GSE1: variants seen among roughly 807,000 people sequenced by gnomAD.
GSE1 encodes Gse1 coiled-coil protein.
Under a neutral mutation model 112.6 loss-of-function variants are expected in GSE1, and 32 were observed. The ratio of observed to expected loss-of-function variants is 0.28; its 90% CI spans 0.21 to 0.38. GSE1 has a LOEUF of 0.38. Ranked by LOEUF, GSE1 falls within the 10% of genes least tolerant of loss-of-function variation. The pLI, the probability that GSE1 is intolerant of heterozygous loss-of-function variation, is 1.00. For missense variants in GSE1, 2,348 were observed against 1,699.2 expected, an observed-to-expected ratio of 1.38 and a Z score of -6.71; for synonymous variants, 1,115 against 735.6, an observed-to-expected ratio of 1.52 and a Z score of -8.35.
At chr16:85,215,202 T>A (rs1415167882) in intron 1 of GSE1, among the ~76,000 whole-genome samples, 1 of 152,182 alleles carries the variant, frequency 6.6e-6, no homozygotes, top group Non-Finnish European at 1.5e-5. Flanking sequence ...ACCCTGTGAT[T>A]TGGGTCATTT....
At chr16:85,300,683 C>G (rs548728979) in intron 1 of GSE1, among the ~76,000 whole-genome samples, 2 of 152,322 alleles carry the variant, frequency 1.3e-5, no homozygotes, top group South Asian at 4.1e-4. Flanking sequence ...TGTGTCCTTT[C>G]GTCTGCCAGG....
chr16:85,621,977 A>G (rs2048770897), intron 1 of GSE1, among the ~76,000 whole-genome samples: 1 of 152,214 alleles, frequency 6.6e-6, no homozygotes, highest in Non-Finnish European at 1.5e-5. Context: ...AGAGACTGCC[A>G]GCTCCCAACA....
chr16:85,559,653 GCTC>G (rs1567588605), intron 1 of GSE1, among the ~76,000 whole-genome samples: 2 of 151,494 alleles, frequency 1.3e-5, no homozygotes, highest in African/African-American at 4.8e-5. Flanking sequence ...TTGAAGTCAG[GCTC>G]TGCCTCTCCT....
intron 1 of GSE1, among the ~76,000 whole-genome samples, chr16:85,263,521 T>C (rs1907924712): frequency 6.6e-6 from 1 of 152,008 alleles, no homozygotes; most frequent in African/African-American, 2.4e-5. Context: ...GAATTTCTTC[T>C]ACCTCGGGGG....
At chr16:85,544,815 G>T (rs1023554635) in intron 2 of GSE1, among the ~76,000 whole-genome samples, 5 of 152,224 alleles carry the variant, frequency 3.3e-5, no homozygotes, top group Non-Finnish European at 7.3e-5. Context: ...GGCCTCGCCT[G>T]GTCTCTGGAG....
exon 1 of GSE1, chr16:85,171,270 G>A: frequency 2.2e-5 from 22 of 985,594 alleles, no homozygotes; most frequent in Non-Finnish European, 2.5e-5. Context: ...CCGAGCTGCC[G>A]GCGTCGGCCC....
chr16:85,270,357 T>G (rs1337530470), intron 1 of GSE1, among the ~76,000 whole-genome samples: 1 of 148,902 alleles, frequency 6.7e-6, no homozygotes, highest in Non-Finnish European at 1.5e-5. Context: ...AGTCTCCTTC[T>G]TGGTGTCCTT....
chr16:85,624,937 C>A (rs1402357108), intron 1 of GSE1, among the ~76,000 whole-genome samples: 1 of 152,138 alleles, frequency 6.6e-6, no homozygotes, highest in African/African-American at 2.4e-5. Context: ...TTGCTGTTCG[C>A]AGCTTTGCTT....
chr16:85,180,149 G>A (rs113740086), intron 1 of GSE1, among the ~76,000 whole-genome samples: 7 of 152,352 alleles, frequency 4.6e-5, no homozygotes, highest in African/African-American at 1.4e-4. Context: ...TGCCTGGCCT[G>A]TCTGGCGTGG....
At chr16:85,664,737 G>A (rs908539330) in intron 11 of GSE1, 3 of 350,284 alleles carry the variant, frequency 8.6e-6, no homozygotes, top group Non-Finnish European at 1.6e-5. Context: ...CGTCACCACC[G>A]AGGTCCGTGG....
chr16:85,662,695 G>T, intron 9 of GSE1: 1 of 441,732 alleles, frequency 2.3e-6, no homozygotes, highest in Non-Finnish European at 4.1e-6. Flanking sequence ...CCTGTGTGAT[G>T]AATGGTTCCC....
chr16:85,589,790 T>C (rs765285675), intron 1 of GSE1, among the ~76,000 whole-genome samples: 11 of 151,732 alleles, frequency 7.2e-5, no homozygotes, highest in Non-Finnish European at 1.6e-4. Flanking sequence ...TATGTGTGAA[T>C]ATGTGTGAGA....
intron 2 of GSE1, among the ~76,000 whole-genome samples, chr16:85,465,180 G>A (rs570674355): frequency 7.2e-5 from 11 of 152,328 alleles, no homozygotes; most frequent in African/African-American, 1.7e-4. Flanking sequence ...CCTGGTTCCC[G>A]GCTGCATGCA....
At chr16:85,329,931 C>G (rs1484861732) in intron 1 of GSE1, among the ~76,000 whole-genome samples, 3 of 94,068 alleles carry the variant, frequency 3.2e-5, no homozygotes, top group African/African-American at 4.2e-5. Flanking sequence ...GGGCAAGAGG[C>G]TGGTGGGGGG....
At position 85,668,132 on chromosome 16, in the gene GSE1, C is replaced by T. The variant is rs749363593; in HGVS notation, c.3131-8C>T. ...AACACACTGATGCAAGCCCTGTCCC[C>T]TCCACAGGGAGCGTGGCTGTGCTGT... is the stretch of plus-strand genomic sequence containing the variant. On this transcript the variant is annotated splice_polypyrimidine_tract_variant and splice_region_variant and intron_variant, in intron 13 of 15. Transcript: ENST00000253458. 5 of 1,559,326 alleles carry T rather than the reference C, an allele frequency of 3.2e-6. No homozygotes were observed. In the Middle Eastern group the frequency reaches 7.7e-4, roughly 239 times the overall value.
chr16:85,232,994 G>T (rs986476025), intron 1 of GSE1, among the ~76,000 whole-genome samples: 2 of 152,264 alleles, frequency 1.3e-5, no homozygotes, highest in African/African-American at 4.8e-5. Context: ...GGGCAGCTGA[G>T]GTCAGAGATG....
At position 85,655,796 on chromosome 16, in the gene GSE1, C is replaced by T. The variant is rs1567733935; in HGVS notation, c.868C>T (p.Pro290Ser). 1.9e-6 allele frequency: 3 copies of T among 1,599,708 alleles called. No individual in the cohort carries two copies. The highest frequency in any genetic ancestry group is 1.3e-5 in the African/African-American group (1 of 74,682). Reference protein sequence around the residue: ...FYPIPTPGSLPPLHPSAMHLH... With the variant: ...FYPIPTPGSLSPLHPSAMHLH... ...CCCCATCCCCACCCCCGGCTCCCTG[C>T]CCCCACTGCACCCATCAGCGATGCA... Residue 290 changes from proline to serine, a missense_variant, in exon 6 of 16, where the codon CCC becomes TCC. Transcript: ENST00000253458.
chr16:85,182,775 T>C (rs1169937674), intron 1 of GSE1, among the ~76,000 whole-genome samples: 1 of 152,040 alleles, frequency 6.6e-6, no homozygotes, highest in African/African-American at 2.4e-5. Context: ...GGAGGGACAG[T>C]GGATTGTTGA....
At chr16:85,359,871 A>G (rs2047027409) in intron 2 of GSE1, among the ~76,000 whole-genome samples, 1 of 152,026 alleles carries the variant, frequency 6.6e-6, no homozygotes, top group South Asian at 2.1e-4. Context: ...TGTCTCTACA[A>G]AAAAATACAA....
Sources: gnomAD v4.1 joint callset for allele counts (sites outside exome capture counted in the v4.1 genomes callset) on GRCh38, gnomAD v4.1.1 for gene constraint, MANE v1.5 for transcripts, NCBI Gene and HGNC (gene_info 2026-07-23, HGNC 2026-07-21) for gene names.